Variants in NFU1 observed in about 807,000 individuals in gnomAD.
NFU1 encodes the protein NFU1 iron-sulfur cluster scaffold homolog, mitochondrial.
Under a neutral mutation model 32.2 loss-of-function variants are expected in NFU1, and 30 were observed. The ratio of observed to expected loss-of-function variants is 0.93; its 90% CI spans 0.70 to 1.26. NFU1 has a LOEUF of 1.26. Ranked by LOEUF, NFU1 falls within the 50% of genes most tolerant of loss-of-function variation. The pLI is 0.00. For missense variants in NFU1, 306 were observed against 306.6 expected, an observed-to-expected ratio of 1.00 and a Z score of 0.02; for synonymous variants, 112 against 104.6, an observed-to-expected ratio of 1.07 and a Z score of -0.43.
At chr2:69,434,149 C>CT (rs147480004) in intron 1 of NFU1, among the ~76,000 whole-genome samples, 16 of 142,516 alleles carry the variant, frequency 1.1e-4, no homozygotes, top group Middle Eastern at 3.6e-3. Context: ...TTTTTTTTTT[C>CT]TTTTTTTTTT....
intron 4 of NFU1, among the ~76,000 whole-genome samples, chr2:69,417,492 T>A (rs6546516): frequency 0.54 from 65,536 of 120,362 alleles, 15,340 homozygotes; most frequent in African/African-American, 0.69. Context: ...TAAAAAAAAA[T>A]AAAAAAAAAA....
intron 1 of NFU1, among the ~76,000 whole-genome samples, chr2:69,433,321 G>C (rs1208573350): frequency 1.3e-5 from 2 of 152,046 alleles, no homozygotes; most frequent in Admixed American, 1.3e-4. Flanking sequence ...TGAGATTACA[G>C]GTGCCCGCCA....
intron 2 of NFU1, among the ~76,000 whole-genome samples, chr2:69,427,146 G>A (rs1673485733): frequency 6.6e-6 from 1 of 151,582 alleles, no homozygotes; most frequent in African/African-American, 2.4e-5. Context: ...AGCACTTTGG[G>A]AGGCCAAAGC....
At chr2:69,406,836 T>C (rs1672709382) in intron 5 of NFU1, among the ~76,000 whole-genome samples, 3 of 152,148 alleles carry the variant, frequency 2.0e-5, no homozygotes, top group Admixed American at 2.0e-4. Flanking sequence ...GTTCCCATAA[T>C]CCCTATGTGT....
At chr2:69,438,829 ACTTG>A (rs1673947904), upstream of NFU1, among the ~76,000 whole-genome samples, 1 of 151,160 alleles carries the variant, frequency 6.6e-6, no homozygotes, top group Non-Finnish European at 1.5e-5. Flanking sequence ...AATGCTGCGT[ACTTG>A]CTTTTAACTA....
At chr2:69,430,064 G>A in intron 2 of NFU1, 1 of 269,518 alleles carries the variant, frequency 3.7e-6, no homozygotes, top group Non-Finnish European at 7.4e-6. Flanking sequence ...ATTTGAATAG[G>A]TACTTAACAA....
At chr2:69,412,127 T>C (rs1672902478) in intron 5 of NFU1, among the ~76,000 whole-genome samples, 2 of 152,050 alleles carry the variant, frequency 1.3e-5, no homozygotes, top group South Asian at 4.1e-4. Context: ...GTCAGCTCAC[T>C]GCAACCTCTG....
upstream of NFU1, among the ~76,000 whole-genome samples, chr2:69,439,459 C>G (rs1673990215): frequency 6.6e-6 from 1 of 152,184 alleles, no homozygotes; most frequent in Non-Finnish European, 1.5e-5. Context: ...ATGGGTGTTA[C>G]AGTTCATAAA....
chr2:69,424,559 G>C (rs1203228201), intron 2 of NFU1, among the ~76,000 whole-genome samples: 1 of 151,920 alleles, frequency 6.6e-6, no homozygotes, highest in Non-Finnish European at 1.5e-5. Flanking sequence ...CAAACTGTTG[G>C]GATTAGAGTG....
intron 5 of NFU1, among the ~76,000 whole-genome samples, chr2:69,408,613 C>T (rs925196795): frequency 6.6e-6 from 1 of 151,332 alleles, no homozygotes; most frequent in African/African-American, 2.4e-5. Flanking sequence ...CCAGCTACTC[C>T]AGAGGCTGAG....
At chr2:69,421,987 T>G (rs952206845) in intron 3 of NFU1, among the ~76,000 whole-genome samples, 4 of 152,172 alleles carry the variant, frequency 2.6e-5, no homozygotes, top group African/African-American at 9.7e-5. Flanking sequence ...GTTTTTTTCC[T>G]ATACATATAT....
rs192061662 is a variant in NFU1, at chr2:69,433,684, C to G, written c.63-1679G>C. On this transcript the variant is annotated intron_variant, in intron 1 of 7. Coordinates refer to ENST00000410022, the MANE Select transcript of NFU1 (RefSeq NM_001002755.4). ...AGAGACAGGGTTTCACCACGTTGGCCAGGCTGATCTCCAACTCCTGACCTA... is the reference window on the plus strand; with the variant it reads ...AGAGACAGGGTTTCACCACGTTGGCGAGGCTGATCTCCAACTCCTGACCTA... Among the ~76,000 whole-genome samples, 44 of 152,306 alleles carry G rather than the reference C, an allele frequency of 2.9e-4. No homozygotes were observed. In the East Asian group the frequency reaches 7.7e-3, roughly 27 times the overall value.
At chr2:69,404,615 A>ATATTTTTTTTTTTTTTT in intron 6 of NFU1, among the ~76,000 whole-genome samples, 73 of 73,008 alleles carry the variant, frequency 1.0e-3, no homozygotes, top group South Asian at 2.1e-3. Flanking sequence ...ATCTTAGCAA[A>ATATTTTTTTTTTTTTTT]TTTTTTTTTT....
chr2:69,397,091 T>G (rs1252338685), intron 7 of NFU1, among the ~76,000 whole-genome samples: 1 of 151,964 alleles, frequency 6.6e-6, no homozygotes, highest in Admixed American at 6.6e-5. Context: ...AAAAAACAAT[T>G]TAACTGGTAT....
Position 69,430,273 on chromosome 2 carries a change from C to T in NFU1, c.166+1629G>A, listed in dbSNP as rs183483207. 2.3e-3 allele frequency among the ~76,000 whole-genome samples: 351 copies of T among 151,406 alleles called. 5 individuals are homozygous for T. Among genetic ancestry groups the T allele is most frequent in the Non-Finnish European group, 6.0e-4 (41 of 67,916 alleles). ...TGCTGCCCAGGCTGAAGTGCAGTGG[C>T]ATGATTACAGCTCACTGCAGCCTCA... On this transcript the variant is annotated intron_variant, in intron 2 of 7. Coordinates refer to ENST00000410022, the MANE Select transcript of NFU1 (RefSeq NM_001002755.4).
intron 6 of NFU1, among the ~76,000 whole-genome samples, chr2:69,400,950 T>C (rs1672504075): frequency 6.6e-6 from 1 of 152,162 alleles, no homozygotes; most frequent in Admixed American, 6.6e-5. Flanking sequence ...ACCCTGTCTC[T>C]AAAGAAATTT....
chr2:69,439,406 C>T (rs1007515469), upstream of NFU1, among the ~76,000 whole-genome samples: 3 of 152,276 alleles, frequency 2.0e-5, no homozygotes, highest in South Asian at 4.1e-4. Flanking sequence ...CTGGTGGGTT[C>T]GTGGTCTCAC....
At chr2:69,432,585 AG>A (rs934269691) in intron 1 of NFU1, among the ~76,000 whole-genome samples, 9 of 152,086 alleles carry the variant, frequency 5.9e-5, no homozygotes, top group African/African-American at 2.2e-4. Context: ...AAAAAAAAAA[AG>A]AAACAGAATT....
chr2:69,396,143 C>T lies in NFU1; in HGVS notation c.*103G>A, dbSNP rs774104725. 8.3e-4 allele frequency: 755 copies of T among 906,178 alleles called. 1 individual carries two copies. The highest frequency in any genetic ancestry group is 1.2e-3 in the Non-Finnish European group (682 of 561,612). The allele number at this position is 906,178 out of a possible 1,614,324, so 56.1% of individuals were successfully genotyped here. A position where few individuals can be genotyped will look rare whatever the true frequency, so the allele number is the denominator to read the frequency against. ...TATTTATATATCATTCTCTGAAGAGCATATTTTATTAATCTTCAAGTTCCT... is the reference window on the plus strand; with the variant it reads ...TATTTATATATCATTCTCTGAAGAGTATATTTTATTAATCTTCAAGTTCCT... On this transcript the variant is annotated 3_prime_UTR_variant, in exon 8 of 8. Transcript: ENST00000410022.
Sources: allele counts gnomAD v4.1 joint callset (sites outside exome capture counted in the v4.1 genomes callset), GRCh38; gene constraint gnomAD v4.1.1; transcripts MANE v1.5; gene names NCBI Gene and HGNC (gene_info 2026-07-23, HGNC 2026-07-21).